The following UBA6 variants were observed in gnomAD, a reference collection of about 807,000 sequenced individuals.
UBA6 encodes ubiquitin-like modifier-activating enzyme 6.
UBA6 carries 87 observed loss-of-function variants against 148.3 expected under a neutral mutation model. The ratio of observed to expected loss-of-function variants is 0.59; its 90% CI spans 0.49 to 0.70. UBA6 has a LOEUF of 0.70. Ranked by LOEUF, UBA6 falls within the 30% of genes least tolerant of loss-of-function variation. The pLI, the probability that UBA6 is intolerant of heterozygous loss-of-function variation, is 0.00. For synonymous variants in UBA6, 376 were observed against 401.0 expected (o/e 0.94, Z 0.75); for missense variants, 1,186 against 1,241.2 (o/e 0.96, Z 0.67).
chr4:67,642,197 G>T (rs1412977193), intron 17 of UBA6, among the ~76,000 whole-genome samples: 1 of 151,708 alleles, frequency 6.6e-6, no homozygotes, highest in Non-Finnish European at 1.5e-5. Flanking sequence ...TTTTTGCCTT[G>T]TACTGGACTG....
At chr4:67,657,807 A>G (rs1729736221) in intron 13 of UBA6, among the ~76,000 whole-genome samples, 1 of 148,658 alleles carries the variant, frequency 6.7e-6, no homozygotes, top group Non-Finnish European at 1.5e-5. Flanking sequence ...AGAATCTACA[A>G]AGAACTTAAA....
At position 67,646,801 on chromosome 4, in the gene UBA6, G is replaced by C. The variant is rs944702436; in HGVS notation, c.1249-10C>G. ...CTGCTTCAAGATATAACTTAAAGTA[G>C]AAGATTAAAAACACAATTATTATGT... On this transcript the variant is annotated splice_polypyrimidine_tract_variant and intron_variant, in intron 14 of 32. Coordinates refer to ENST00000322244, the MANE Select transcript of UBA6 (RefSeq NM_018227.6). The C allele has an allele frequency of 6.4e-7, 1 of 1,574,628 alleles. No individual in the cohort carries two copies. Among genetic ancestry groups the C allele is most frequent in the Non-Finnish European group, 8.6e-7 (1 of 1,158,360 alleles).
At chr4:67,659,446 G>A (rs1328969563) in intron 13 of UBA6, among the ~76,000 whole-genome samples, 5 of 151,950 alleles carry the variant, frequency 3.3e-5, no homozygotes, top group East Asian at 3.9e-4. Context: ...ATAAGCGTCT[G>A]GTAGATCCCC....
intron 13 of UBA6, among the ~76,000 whole-genome samples, chr4:67,656,993 C>G (rs556520334): frequency 6.6e-6 from 1 of 152,148 alleles, no homozygotes; most frequent in Non-Finnish European, 1.5e-5. Context: ...AGGACCTCCT[C>G]AAGGAGAAGT....
At chr4:67,694,284 T>TAAAAA (rs1560504401) in intron 2 of UBA6, among the ~76,000 whole-genome samples, 65 of 129,706 alleles carry the variant, frequency 5.0e-4, no homozygotes, top group African/African-American at 5.7e-4. Context: ...ATTCAGTCAC[T>TAAAAA]ATAAAAAAAA....
At chr4:67,674,642 A>G (rs1730233470) in intron 6 of UBA6, among the ~76,000 whole-genome samples, 1 of 152,204 alleles carries the variant, frequency 6.6e-6, no homozygotes, top group South Asian at 2.1e-4. Flanking sequence ...TCTGTGAAAC[A>G]GTAACAGGAT....
chr4:67,667,550 G>A (rs1730035914), intron 9 of UBA6, among the ~76,000 whole-genome samples: 1 of 138,116 alleles, frequency 7.2e-6, no homozygotes. Flanking sequence ...TCCATTTACT[G>A]TCTATAAACT....
At position 67,654,862 on chromosome 4, in the gene UBA6, GAA is replaced by G. The variant is rs141234627; in HGVS notation, c.1105-5653_1105-5652del. Among the ~76,000 whole-genome samples, 110 of 132,134 alleles carry G rather than the reference GAA, an allele frequency of 8.3e-4. No homozygotes were observed. The Middle Eastern group carries it at 0.011, about 13-fold the overall frequency. 86.7% of individuals were successfully genotyped at this position (132,134 alleles called of 152,430 possible). On this transcript the variant is annotated intron_variant, in intron 13 of 32. Transcript: ENST00000322244. ...GGAAGATCTACCAAGCAAATGGAAA[GAA>G]AAAAAAAAAAAAAGCAAGGGTTGCA...
chr4:67,623,969 A>T (rs1287302765), intron 30 of UBA6, among the ~76,000 whole-genome samples, 157 bp downstream of exon 30: 3 of 152,128 alleles, frequency 2.0e-5, no homozygotes, highest in Non-Finnish European at 4.4e-5. Context: ...AGAAATATTT[A>T]ATGAAGATGA....
chr4:67,686,952 T>TAAAAAAA (rs546442640), intron 2 of UBA6, among the ~76,000 whole-genome samples: 23 of 57,186 alleles, frequency 4.0e-4, no homozygotes, highest in East Asian at 1.3e-3. Flanking sequence ...ATCCTGTCTC[T>TAAAAAAA]AAAAAAAAAA....
chr4:67,674,621 T>C (rs940711018), intron 6 of UBA6, among the ~76,000 whole-genome samples: 5 of 152,186 alleles, frequency 3.3e-5, no homozygotes, highest in Admixed American at 6.5e-5. Flanking sequence ...AGGAATCTCA[T>C]ATTTCCTGCA....
intron 2 of UBA6, among the ~76,000 whole-genome samples, chr4:67,692,305 T>C (rs1730712943): frequency 6.6e-6 from 1 of 152,180 alleles, no homozygotes. Context: ...AGGTTTTTAA[T>C]GTAGAAGAAA....
At chr4:67,623,332 TA>T in intron 30 of UBA6, 110 bp from the exon 31 acceptor site, 1 of 696,996 alleles carries the variant, frequency 1.4e-6, no homozygotes, top group Admixed American at 2.7e-5. Context: ...GTGATCAGGC[TA>T]GAAATTAATG....
intron 19 of UBA6, among the ~76,000 whole-genome samples, chr4:67,636,365 G>GGTCCCT (rs1264945433): frequency 6.6e-6 from 1 of 152,088 alleles, no homozygotes; most frequent in Non-Finnish European, 1.5e-5. Context: ...AAGAAATTTA[G>GGTCCCT]GTCCCTCTCC....
intron 29 of UBA6, 121 bp from the exon 30 acceptor site, chr4:67,624,374 G>T: frequency 4.8e-6 from 4 of 839,952 alleles, no homozygotes; most frequent in Non-Finnish European, 7.1e-6. Flanking sequence ...GCAGCTATGG[G>T]ACTATAGTAA....
At chr4:67,681,454 T>C (rs1730436048) in intron 4 of UBA6, 109 bp downstream of exon 4, 2 of 662,684 alleles carry the variant, frequency 3.0e-6, no homozygotes, top group Non-Finnish European at 5.0e-6. Context: ...TTTTAAAAAG[T>C]AGAGCATTAA....
At chr4:67,689,417 T>C (rs1005508128) in intron 2 of UBA6, among the ~76,000 whole-genome samples, 4 of 152,130 alleles carry the variant, frequency 2.6e-5, no homozygotes, top group South Asian at 4.1e-4. Flanking sequence ...GCCAGAAAGT[T>C]ACACTCTTTA....
At chr4:67,664,538 G>A (rs1729943837) in intron 10 of UBA6, among the ~76,000 whole-genome samples, 1 of 151,828 alleles carries the variant, frequency 6.6e-6, no homozygotes, top group Admixed American at 6.6e-5. Context: ...AAAACCTTGA[G>A]AACTTGTAAG....
intron 23 of UBA6, among the ~76,000 whole-genome samples, chr4:67,632,640 G>A (rs925459783): frequency 5.3e-5 from 8 of 152,146 alleles, no homozygotes; most frequent in African/African-American, 1.4e-4. Context: ...ACATTGAGTA[G>A]TACAGACCAC....
Sources: allele counts gnomAD v4.1 joint callset (sites outside exome capture counted in the v4.1 genomes callset), GRCh38; gene constraint gnomAD v4.1.1; transcripts MANE v1.5; gene names NCBI Gene and HGNC (gene_info 2026-07-23, HGNC 2026-07-21).